Variants in HS3ST4 observed in about 807,000 individuals in gnomAD.
The protein encoded by HS3ST4 is heparan sulfate-glucosamine 3-sulfotransferase 4.
Under a neutral mutation model 29.2 loss-of-function variants are expected in HS3ST4, and 17 were observed. That is an observed-to-expected ratio of 0.58 (90% CI 0.40 to 0.87). The LOEUF is 0.87. Among genes scored for constraint, HS3ST4 ranks in the 40% least tolerant of loss-of-function variants. HS3ST4 has a pLI of 0.00. For missense variants in HS3ST4, 627 were observed against 634.5 expected, an observed-to-expected ratio of 0.99 and a Z score of 0.13; for synonymous variants, 314 against 285.7, an observed-to-expected ratio of 1.10 and a Z score of -1.00.
intron 1 of HS3ST4, among the ~76,000 whole-genome samples, chr16:25,916,822 G>A (rs1285751507): frequency 1.3e-5 from 2 of 151,874 alleles, no homozygotes; most frequent in East Asian, 1.9e-4. Flanking sequence ...TGGGACTACA[G>A]GCGCCTGCGA....
At chr16:26,066,390 T>C (rs1303034791) in intron 1 of HS3ST4, among the ~76,000 whole-genome samples, 3 of 152,238 alleles carry the variant, frequency 2.0e-5, no homozygotes, top group African/African-American at 7.2e-5. Context: ...TTTAATGATG[T>C]TATTGAGAGC....
chr16:26,048,285 T>G (rs773061558), intron 1 of HS3ST4, among the ~76,000 whole-genome samples: 3 of 152,156 alleles, frequency 2.0e-5, no homozygotes, highest in Non-Finnish European at 2.9e-5. Flanking sequence ...AAATGAATGT[T>G]AGGGAGGAAG....
chr16:25,926,532 CT>C (rs1968404763), intron 1 of HS3ST4, among the ~76,000 whole-genome samples: 1 of 152,204 alleles, frequency 6.6e-6, no homozygotes, highest in Non-Finnish European at 1.5e-5. Flanking sequence ...TACTATCTCT[CT>C]GCTAAAATAG....
chr16:25,740,549 G>A (rs1284730157), intron 1 of HS3ST4, among the ~76,000 whole-genome samples: 3 of 152,124 alleles, frequency 2.0e-5, no homozygotes, highest in African/African-American at 7.2e-5. Context: ...ATAACAACCC[G>A]GTATTCTGGT....
intron 1 of HS3ST4, among the ~76,000 whole-genome samples, chr16:25,729,061 C>T (rs963393158): frequency 9.9e-5 from 15 of 151,122 alleles, no homozygotes; most frequent in East Asian, 3.9e-4. Context: ...CCAGCCTGGG[C>T]GACGGAACAA....
At chr16:25,730,235 C>T (rs1428940636) in intron 1 of HS3ST4, among the ~76,000 whole-genome samples, 1 of 152,070 alleles carries the variant, frequency 6.6e-6, no homozygotes, top group Non-Finnish European at 1.5e-5. Flanking sequence ...GTATAGGTGA[C>T]ATTTTTTTCT....
intron 1 of HS3ST4, among the ~76,000 whole-genome samples, chr16:25,830,072 C>G (rs187294219): frequency 4.6e-5 from 7 of 152,110 alleles, no homozygotes; most frequent in East Asian, 1.9e-4. Flanking sequence ...CAATCCACCC[C>G]CTTCAGCCTC....
At chr16:26,129,129 A>G (rs539784874) in intron 1 of HS3ST4, among the ~76,000 whole-genome samples, 31 of 152,266 alleles carry the variant, frequency 2.0e-4, no homozygotes, top group African/African-American at 2.9e-4. Flanking sequence ...ATTTGCTTCA[A>G]TTGAGGAGGC....
chr16:25,930,787 A>C (rs1185069486), intron 1 of HS3ST4, among the ~76,000 whole-genome samples: 3 of 152,144 alleles, frequency 2.0e-5, no homozygotes, highest in Non-Finnish European at 4.4e-5. Flanking sequence ...GCAGAATGAG[A>C]TGACTTCTTT....
chr16:25,898,186 T>G (rs1311062794), intron 1 of HS3ST4, among the ~76,000 whole-genome samples: 2 of 152,218 alleles, frequency 1.3e-5, no homozygotes, highest in Non-Finnish European at 1.5e-5. Flanking sequence ...ACTAACAACC[T>G]CTTGACTCAC....
intron 1 of HS3ST4, among the ~76,000 whole-genome samples, chr16:25,862,954 T>C (rs1420953080): frequency 1.3e-5 from 2 of 152,204 alleles, no homozygotes; most frequent in Non-Finnish European, 2.9e-5. Flanking sequence ...TTAGGATTTT[T>C]CATCTTTGTC....
chr16:25,791,304 C>T, intron 1 of HS3ST4, among the ~76,000 whole-genome samples: 1 of 152,122 alleles, frequency 6.6e-6, no homozygotes, highest in East Asian at 1.9e-4. Context: ...TTTAGAATAA[C>T]TGGATATCAG....
chr16:26,008,133 G>A (rs941520651), intron 1 of HS3ST4, among the ~76,000 whole-genome samples: 2 of 152,118 alleles, frequency 1.3e-5, no homozygotes, highest in African/African-American at 4.8e-5. Context: ...AGCTATACAT[G>A]TACACAGGAA....
chr16:25,899,233 ACAGT>A (rs750917216), intron 1 of HS3ST4, among the ~76,000 whole-genome samples: 1 of 152,172 alleles, frequency 6.6e-6, no homozygotes, highest in Non-Finnish European at 1.5e-5. Context: ...ACCCCAAAGC[ACAGT>A]CAGTCAACCT....
At chr16:25,926,363 T>C (rs1376373667) in intron 1 of HS3ST4, among the ~76,000 whole-genome samples, 1 of 152,224 alleles carries the variant, frequency 6.6e-6, no homozygotes, top group Non-Finnish European at 1.5e-5. Flanking sequence ...AATAATCTGG[T>C]ATTTGTTGTT....
At chr16:25,892,058 A>G (rs1445365823) in intron 1 of HS3ST4, among the ~76,000 whole-genome samples, 1 of 152,198 alleles carries the variant, frequency 6.6e-6, no homozygotes, top group Non-Finnish European at 1.5e-5. Flanking sequence ...TATCATCATC[A>G]CTAAGTAGGT....
At chr16:25,937,132 T>C (rs1354211710) in intron 1 of HS3ST4, among the ~76,000 whole-genome samples, 1 of 152,052 alleles carries the variant, frequency 6.6e-6, no homozygotes, top group Non-Finnish European at 1.5e-5. Flanking sequence ...TGGGACTTTT[T>C]CTTTTTTTTT....
chr16:25,825,427 G>A (rs1182799814), intron 1 of HS3ST4: 3 of 152,196 alleles, frequency 2.0e-5, no homozygotes, highest in South Asian at 2.1e-4. Flanking sequence ...TGGTGATGGT[G>A]TAGATCTTGC....
At chr16:25,780,397 A>G (rs1441154028) in intron 1 of HS3ST4, among the ~76,000 whole-genome samples, 1 of 152,170 alleles carries the variant, frequency 6.6e-6, no homozygotes, top group Non-Finnish European at 1.5e-5. Context: ...TGTGCCACTG[A>G]CTGTCTGTCT....
Sources: gnomAD v4.1 joint callset for allele counts (sites outside exome capture counted in the v4.1 genomes callset) on GRCh38, gnomAD v4.1.1 for gene constraint, MANE v1.5 for transcripts, NCBI Gene and HGNC (gene_info 2026-07-23, HGNC 2026-07-21) for gene names.